PAK5: variants seen among roughly 807,000 people sequenced by gnomAD.
PAK5 encodes serine/threonine-protein kinase PAK 5.
PAK5 carries 16 observed loss-of-function variants against 65.9 expected under a neutral mutation model. The ratio of observed to expected loss-of-function variants is 0.24; its 90% CI spans 0.16 to 0.37. The LOEUF is 0.37. PAK5 is among the 10% of genes least tolerant of loss of function. PAK5 has a pLI of 1.00. For synonymous variants in PAK5, 371 were observed against 354.9 expected (o/e 1.05, Z -0.51); for missense variants, 785 against 903.9 (o/e 0.87, Z 1.69).
At chr20:9,780,387 T>C (rs901775429) in intron 1 of PAK5, among the ~76,000 whole-genome samples, 1 of 152,108 alleles carries the variant, frequency 6.6e-6, no homozygotes, top group African/African-American at 2.4e-5. Flanking sequence ...GCAAAGTTTA[T>C]TCATTCTTTT....
intron 1 of PAK5, among the ~76,000 whole-genome samples, chr20:9,795,498 T>C (rs534425317): frequency 2.0e-5 from 3 of 152,194 alleles, no homozygotes; most frequent in East Asian, 3.9e-4. Flanking sequence ...AAACAAACCC[T>C]CATAAAATTA....
chr20:9,770,504 G>A (rs1168843001), intron 1 of PAK5, among the ~76,000 whole-genome samples: 2 of 152,148 alleles, frequency 1.3e-5, no homozygotes, highest in East Asian at 1.9e-4. Context: ...AAAGTGAAAC[G>A]AGCCAGCACA....
At chr20:9,574,565 C>T (rs16996082) in intron 4 of PAK5, among the ~76,000 whole-genome samples, 13,643 of 152,164 alleles carry the variant, frequency 0.09, 761 homozygotes, top group East Asian at 0.24. Flanking sequence ...GAGCTAGGAA[C>T]GGACAATGCC....
chr20:9,773,452 T>C (rs2048855759), intron 1 of PAK5, among the ~76,000 whole-genome samples: 1 of 152,090 alleles, frequency 6.6e-6, no homozygotes, highest in African/African-American at 2.4e-5. Context: ...AGTGTTCTCA[T>C]TGTTCAATTC....
intron 1 of PAK5, among the ~76,000 whole-genome samples, chr20:9,794,260 G>C (rs948866860): frequency 2.6e-5 from 4 of 151,916 alleles, no homozygotes; most frequent in African/African-American, 9.7e-5. Flanking sequence ...AGGTTGATAG[G>C]TACAGCAAAC....
chr20:9,615,619 A>G (rs2046641355), intron 3 of PAK5, among the ~76,000 whole-genome samples: 1 of 152,206 alleles, frequency 6.6e-6, no homozygotes, highest in South Asian at 2.1e-4. Context: ...CTATAACAAA[A>G]ACCACCAACC....
intron 3 of PAK5, among the ~76,000 whole-genome samples, chr20:9,611,084 T>C (rs1248267202): frequency 6.6e-6 from 1 of 152,152 alleles, no homozygotes; most frequent in African/African-American, 2.4e-5. Context: ...TGTTGGTAAA[T>C]TTTCCATTCC....
Position 9,762,089 on chromosome 20 carries a change from C to T in PAK5, c.-161-50654G>A, listed in dbSNP as rs528966994. On this transcript the variant is annotated intron_variant, in intron 1 of 9. Transcript: ENST00000353224. ...TAAAATAATAAAATTGGGCCCTTCT[C>T]TTACACCACACACAAAAATCAACTT... Among the ~76,000 whole-genome samples, 7 of 152,198 alleles carry T rather than the reference C, an allele frequency of 4.6e-5. No homozygotes were observed. The East Asian group carries it at 9.7e-4, about 21-fold the overall frequency.
intron 4 of PAK5, among the ~76,000 whole-genome samples, chr20:9,566,883 C>T (rs529131494): frequency 6.6e-6 from 1 of 152,134 alleles, no homozygotes; most frequent in South Asian, 2.1e-4. Context: ...CAAATAAGTA[C>T]AAATATAATT....
intron 1 of PAK5, among the ~76,000 whole-genome samples, chr20:9,716,590 G>A (rs549808740): frequency 2.8e-4 from 43 of 152,032 alleles, no homozygotes; most frequent in African/African-American, 9.6e-4. Flanking sequence ...CTAAGGATTC[G>A]TACTACTTTT....
At chr20:9,824,765 A>T (rs1695349600) in intron 1 of PAK5, among the ~76,000 whole-genome samples, 6 of 152,134 alleles carry the variant, frequency 3.9e-5, no homozygotes, top group Admixed American at 3.9e-4. Flanking sequence ...TAAAGCACTG[A>T]TGACCTTCTG....
intron 6 of PAK5, among the ~76,000 whole-genome samples, chr20:9,560,882 G>A (rs956965905): frequency 6.6e-6 from 1 of 152,118 alleles, no homozygotes; most frequent in Non-Finnish European, 1.5e-5. Context: ...GTATGTATAA[G>A]AAATACCTGA....
rs770258504 is a variant in PAK5 at position 9,566,319 on chromosome 20, C to T, written c.1056G>A (p.Arg352=). 5 of 1,613,576 alleles carry T rather than the reference C, an allele frequency of 3.1e-6. No individual in the cohort carries two copies. Among genetic ancestry groups the T allele is most frequent in the East Asian group, 4.5e-5 (2 of 44,864 alleles). The stretch of plus-strand genomic sequence containing the variant: ...GACTTTGAGGTAGTTTGGCAGGGCC[C>T]CTGGGGTAGGTGTCAGACCCTGACA... The part of the protein sequence containing the change: ...PPLSGSDTYP[R]GPAKLPQSQS... Residue 352 remains arginine, a synonymous_variant, in exon 5 of 10, where the codon AGG becomes AGA. Coordinates refer to ENST00000353224, the MANE Select transcript of PAK5 (RefSeq NM_177990.4).
At chr20:9,570,526 G>A (rs1603218579) in intron 4 of PAK5, among the ~76,000 whole-genome samples, 2 of 152,310 alleles carry the variant, frequency 1.3e-5, no homozygotes, top group African/African-American at 4.8e-5. Context: ...GTTAAACTAC[G>A]ATGGAATGGG....
At chr20:9,674,737 C>T (rs773177088) in intron 2 of PAK5, among the ~76,000 whole-genome samples, 4 of 152,204 alleles carry the variant, frequency 2.6e-5, no homozygotes, top group Non-Finnish European at 5.9e-5. Context: ...GCTGAACAGG[C>T]TGTGACCTGA....
At chr20:9,643,790 T>C (rs574140838) in intron 3 of PAK5, among the ~76,000 whole-genome samples, 2 of 152,342 alleles carry the variant, frequency 1.3e-5, no homozygotes, top group South Asian at 2.1e-4. Context: ...TCAGAGGCTA[T>C]TGCTAATATT....
chr20:9,707,063 T>C (rs2048017407), intron 2 of PAK5, among the ~76,000 whole-genome samples: 1 of 152,216 alleles, frequency 6.6e-6, no homozygotes. Flanking sequence ...GACAGCATTA[T>C]GAAACACTAT....
chr20:9,714,895 C>T (rs1034426714), intron 1 of PAK5, among the ~76,000 whole-genome samples: 1 of 152,082 alleles, frequency 6.6e-6, no homozygotes, highest in Non-Finnish European at 1.5e-5. Context: ...AAAATTAATT[C>T]AAGATGGATT....
intron 2 of PAK5, among the ~76,000 whole-genome samples, chr20:9,659,772 A>G (rs2047319137): frequency 6.6e-6 from 1 of 152,156 alleles, no homozygotes; most frequent in Non-Finnish European, 1.5e-5. Flanking sequence ...AACCACTAGA[A>G]TCTGTCATTG....
Sources: gnomAD v4.1 joint callset for allele counts (sites outside exome capture counted in the v4.1 genomes callset) on GRCh38, gnomAD v4.1.1 for gene constraint, MANE v1.5 for transcripts, NCBI Gene and HGNC (gene_info 2026-07-23, HGNC 2026-07-21) for gene names.